The following GALNT9 variants were observed in gnomAD, a reference collection of about 807,000 sequenced individuals.
The protein encoded by GALNT9 is polypeptide N-acetylgalactosaminyltransferase 9, also known as GalNAc transferase 9.
Under a neutral mutation model 63.1 loss-of-function variants are expected in GALNT9, and 47 were observed. The ratio of observed to expected loss-of-function variants is 0.75; its 90% CI spans 0.59 to 0.95. The LOEUF is 0.95. Among genes scored for constraint, GALNT9 ranks in the 40% least tolerant of loss-of-function variants. The pLI is 0.00. For synonymous variants in GALNT9, 396 were observed against 365.7 expected (o/e 1.08, Z -0.94); for missense variants, 829 against 874.8 (o/e 0.95, Z 0.66).
At chr12:132,229,104 G>A (rs1370606900) in intron 6 of GALNT9, among the ~76,000 whole-genome samples, 1 of 152,186 alleles carries the variant, frequency 6.6e-6, no homozygotes, top group Admixed American at 6.5e-5. Flanking sequence ...CCCTGGACAC[G>A]TACCAGTCTC....
chr12:132,200,992 G>A (rs1344408637), intron 8 of GALNT9, 132 bp downstream of exon 8: 1 of 888,048 alleles, frequency 1.1e-6, no homozygotes. Flanking sequence ...CGGGCCGAGT[G>A]GGACCCTCTG....
At chr12:132,300,826 CT>C (rs1398831348) in intron 1 of GALNT9, among the ~76,000 whole-genome samples, 2 of 152,246 alleles carry the variant, frequency 1.3e-5, no homozygotes, top group African/African-American at 4.8e-5. Flanking sequence ...TAACCCACCC[CT>C]GAGATAACCA....
At position 132,236,995 on chromosome 12, in the gene GALNT9, C is replaced by T. The variant is rs2136895103; in HGVS notation, c.1077+10915G>A. On this transcript the variant is annotated intron_variant, in intron 6 of 10. Coordinates refer to ENST00000328957, the MANE Select transcript of GALNT9 (RefSeq NM_001122636.2). The surrounding 1 kb of genome is among the most constrained non-coding windows in gnomAD (Gnocchi z 5.6). ...GTAACCCTCGTATCCTGGATCTCTC[C>T]GGGTGCTCCATGGCCCATGGGATTC... 8.5e-5 allele frequency among the ~76,000 whole-genome samples: 13 copies of T among 152,268 alleles called. No individual in the cohort carries two copies. The South Asian group carries it at 1.9e-3, about 22-fold the overall frequency.
chr12:132,217,617 C>T (rs368040758), intron 6 of GALNT9, among the ~76,000 whole-genome samples: 1 of 149,432 alleles, frequency 6.7e-6, no homozygotes, highest in African/African-American at 2.5e-5. Flanking sequence ...TCCAGCCATC[C>T]ATCCATCCAT....
rs1272313212 is a variant in GALNT9 at position 132,304,290 on chromosome 12, C to T, written c.239-17860G>A. Among the ~76,000 whole-genome samples the T allele has an allele frequency of 8.4e-5, 8 of 95,366 alleles. 1 individual carries two copies. The highest frequency in any genetic ancestry group is 1.6e-4 in the Non-Finnish European group (8 of 49,278). 62.6% of individuals were successfully genotyped at this position (95,366 alleles called of 152,430 possible). Reference sequence around the variant, plus strand: ...GCACACCCTCGCCCGGGCACACCCTCGCCCGGACACACCCTCACCCGGGCA... The same window carrying T: ...GCACACCCTCGCCCGGGCACACCCTTGCCCGGACACACCCTCACCCGGGCA... On this transcript the variant is annotated intron_variant, in intron 1 of 10. Coordinates refer to ENST00000328957, the MANE Select transcript of GALNT9 (RefSeq NM_001122636.2).
At chr12:132,287,757 C>A (rs1555242346) in intron 1 of GALNT9, among the ~76,000 whole-genome samples, 1 of 151,978 alleles carries the variant, frequency 6.6e-6, no homozygotes, top group Non-Finnish European at 1.5e-5. Flanking sequence ...CCCAAGGGGG[C>A]CGGGCCAGGG....
chr12:132,239,333 CAGAGTCAG>C (rs1878128933), intron 6 of GALNT9, among the ~76,000 whole-genome samples: 31 of 58,778 alleles, frequency 5.3e-4, no homozygotes, highest in African/African-American at 3.2e-3. Flanking sequence ...GAGAGAGAGA[CAGAGTCAG>C]AGACAGAGTC....
At chr12:132,259,544 G>C (rs1016853399) in intron 4 of GALNT9, among the ~76,000 whole-genome samples, 19 of 152,336 alleles carry the variant, frequency 1.2e-4, no homozygotes, top group African/African-American at 4.3e-4. Flanking sequence ...AACAGCGCCG[G>C]CTGGGGACTG....
intron 2 of GALNT9, among the ~76,000 whole-genome samples, chr12:132,270,482 G>C (rs1879823954): frequency 6.6e-6 from 1 of 152,248 alleles, no homozygotes; most frequent in African/African-American, 2.4e-5. Flanking sequence ...CCAGGGACAG[G>C]AGCCCCTGAG....
rs1566010555 is a variant in GALNT9 at position 132,279,439 on chromosome 12, CGA to C, written c.419+6809_419+6810del. 6.6e-6 allele frequency: 1 copy of C among 152,404 alleles called. No homozygotes were observed. The highest frequency in any genetic ancestry group is 2.4e-5 in the African/African-American group (1 of 41,462). The allele number at this position is 152,404 out of a possible 1,614,324, so 9.4% of individuals were successfully genotyped here. Reference sequence around the variant, plus strand: ...GTTCCTCCCTGGGATCTCCCCTCCCCGAGCACAGGCTCTGCTCTGCCCAGCCC... The same window carrying C: ...GTTCCTCCCTGGGATCTCCCCTCCCCGCACAGGCTCTGCTCTGCCCAGCCC... On this transcript the variant is annotated intron_variant, in intron 2 of 10. Coordinates refer to ENST00000328957, the MANE Select transcript of GALNT9 (RefSeq NM_001122636.2). The surrounding 1 kb of genome is among the most constrained non-coding windows in gnomAD (Gnocchi z 4.1).
intron 1 of GALNT9, among the ~76,000 whole-genome samples, chr12:132,302,077 A>G (rs942570925): frequency 2.0e-5 from 3 of 152,244 alleles, no homozygotes; most frequent in East Asian, 3.8e-4. Flanking sequence ...TGTCAAAGAT[A>G]GAGAAATTTC....
intron 2 of GALNT9, among the ~76,000 whole-genome samples, chr12:132,268,699 G>A (rs1879747649): frequency 6.6e-6 from 1 of 152,298 alleles, no homozygotes; most frequent in South Asian, 2.1e-4. Context: ...AAAACAAAAT[G>A]TCCAATGAAA....
intron 5 of GALNT9, among the ~76,000 whole-genome samples, chr12:132,251,942 C>T (rs955288258): frequency 2.6e-5 from 4 of 152,152 alleles, no homozygotes; most frequent in African/African-American, 9.7e-5. Context: ...GCCAGCTCCC[C>T]CAGGCCTGCC....
chr12:132,256,324 G>C (rs1422410199), intron 5 of GALNT9, among the ~76,000 whole-genome samples: 2 of 151,876 alleles, frequency 1.3e-5, no homozygotes, highest in African/African-American at 2.4e-5. Flanking sequence ...CCGAGGCTCA[G>C]CATGAGCCTC....
chr12:132,314,233 C>T (rs1308496253), intron 1 of GALNT9, among the ~76,000 whole-genome samples: 1 of 150,928 alleles, frequency 6.6e-6, no homozygotes, highest in Non-Finnish European at 1.5e-5. Context: ...CCCACCGACC[C>T]ATCCCTCCAT....
At chr12:132,318,514 A>C (rs556397946) in intron 1 of GALNT9, among the ~76,000 whole-genome samples, 154 of 152,384 alleles carry the variant, frequency 1.0e-3, no homozygotes, top group African/African-American at 3.4e-3. Flanking sequence ...ACAGGGCCTC[A>C]GGGCCTCACA....
intron 1 of GALNT9, among the ~76,000 whole-genome samples, chr12:132,287,126 G>A (rs966116375): frequency 1.7e-4 from 23 of 132,284 alleles, no homozygotes; most frequent in East Asian, 2.2e-4. Flanking sequence ...TCGGCTCATC[G>A]ACGGTGACAC....
At chr12:132,278,301 A>C (rs1426651318) in intron 2 of GALNT9, 1 of 152,268 alleles carries the variant, frequency 6.6e-6, no homozygotes, top group Non-Finnish European at 1.5e-5. Context: ...GAGTTTAAAA[A>C]AATACCAAAA....
At chr12:132,261,534 G>A (rs1463483273) in intron 3 of GALNT9, among the ~76,000 whole-genome samples, 1 of 152,246 alleles carries the variant, frequency 6.6e-6, no homozygotes, top group African/African-American at 2.4e-5. Context: ...AGGTAGCCGA[G>A]CTGGACTGGA....
Sources: gnomAD v4.1 joint callset for allele counts (sites outside exome capture counted in the v4.1 genomes callset) on GRCh38, gnomAD v4.1.1 for gene constraint, Gnocchi (gnomAD v3.1) non-coding constraint, MANE v1.5 for transcripts, NCBI Gene and HGNC (gene_info 2026-07-23, HGNC 2026-07-21) for gene names.